The following USH2A variants were observed in gnomAD, a reference collection of about 807,000 sequenced individuals.
USH2A encodes the protein Usher syndrome 2A (autosomal recessive, mild).
USH2A carries 443 observed loss-of-function variants against 538.9 expected under a neutral mutation model. The ratio of observed to expected loss-of-function variants is 0.82; its 90% CI spans 0.76 to 0.89. The LOEUF (loss-of-function observed/expected upper bound fraction) is 0.89, where lower values mean the gene tolerates loss of function less well. Among genes scored for constraint, USH2A ranks in the 40% least tolerant of loss-of-function variants. USH2A has a pLI of 0.00. For missense variants in USH2A, 6,633 were observed against 6,324.8 expected, an observed-to-expected ratio of 1.05 and a Z score of -1.65; for synonymous variants, 2,413 against 2,273.5, an observed-to-expected ratio of 1.06 and a Z score of -1.75.
At chr1:216,340,047 G>T (rs1214563655) in intron 4 of USH2A, among the ~76,000 whole-genome samples, 1 of 151,852 alleles carries the variant, frequency 6.6e-6, no homozygotes, top group Non-Finnish European at 1.5e-5. Context: ...GAATCCAGGA[G>T]CTGTTTTTTT....
chr1:215,659,635 GT>G (rs1049081511), intron 64 of USH2A, among the ~76,000 whole-genome samples: 15 of 151,910 alleles, frequency 9.9e-5, no homozygotes, highest in African/African-American at 3.4e-4. Context: ...CCTGGGGTAA[GT>G]TTTTTTTGTT....
At chr1:215,884,838 G>T (rs535364370) in intron 41 of USH2A, among the ~76,000 whole-genome samples, 1 of 152,122 alleles carries the variant, frequency 6.6e-6, no homozygotes, top group Non-Finnish European at 1.5e-5. Context: ...GGGTGACACT[G>T]TTCCTTGTGG....
chr1:216,282,675 T>G (rs2036805673), intron 11 of USH2A, among the ~76,000 whole-genome samples: 1 of 152,236 alleles, frequency 6.6e-6, no homozygotes, highest in Non-Finnish European at 1.5e-5. Context: ...ACTCTTTTTT[T>G]ATAAGGTTAT....
chr1:215,971,590 T>C (rs1667496109), intron 35 of USH2A, among the ~76,000 whole-genome samples: 1 of 151,980 alleles, frequency 6.6e-6, no homozygotes, highest in Admixed American at 6.6e-5. Flanking sequence ...ACCCTATCTC[T>C]ACAAAAAATA....
intron 36 of USH2A, among the ~76,000 whole-genome samples, chr1:215,965,892 C>T (rs1319600218): frequency 1.3e-5 from 2 of 151,132 alleles, no homozygotes; most frequent in Non-Finnish European, 2.9e-5. Flanking sequence ...CAAAAAGCTA[C>T]ACCACATATC....
Position 216,324,181 on chromosome 1 carries a change from G to A in USH2A, c.1315C>T (p.Leu439Phe). 1 of 1,613,004 alleles carries A rather than the reference G, an allele frequency of 6.2e-7. No individual in the cohort carries two copies. The highest frequency in any genetic ancestry group is 8.5e-7 in the Non-Finnish European group (1 of 1,179,532). The change falls in exon 7 of 72, where the codon CTT (leucine) becomes TTT (phenylalanine). Residue 439 changes from leucine (L) to phenylalanine (F), a missense_variant. Physicochemically the swap from Leu to Phe is conservative, Grantham distance 22. Coordinates refer to ENST00000307340, the MANE Select transcript of USH2A (RefSeq NM_206933.4). Reference protein sequence around the residue: ...DLEKPDSVNCLQLSNFTPYSR... With the variant: ...DLEKPDSVNCFQLSNFTPYSR... ...AAATATTCATACTTGGAAAGCTGAA[G>A]ACAGTTGACAGAATCAGGTTTTTCC...
chr1:215,830,913 G>A (rs936188590), intron 47 of USH2A, among the ~76,000 whole-genome samples: 1 of 152,050 alleles, frequency 6.6e-6, no homozygotes, highest in Non-Finnish European at 1.5e-5. Flanking sequence ...CTAACCAGTT[G>A]GTAACCTGCT....
At position 215,625,590 on chromosome 1, in the gene USH2A, A is replaced by C. The variant is rs75610910; in HGVS notation, c.*191T>G. 0.011 allele frequency: 7,215 copies of C among 629,684 alleles called. 226 individuals carry two copies. Among genetic ancestry groups the C allele is most frequent in the South Asian group, 0.066 (3,477 of 52,420 alleles). 39.0% of individuals were successfully genotyped at this position (629,684 alleles called of 1,614,324 possible). ...TTCATATGAATATTCTCTCTCATTT[A>C]AGATGAGAAAAATATCATTTCTTAG... On this transcript the variant is annotated 3_prime_UTR_variant, in exon 72 of 72. Transcript: ENST00000307340.
intron 3 of USH2A, among the ~76,000 whole-genome samples, chr1:216,371,081 G>T (rs916798311): frequency 6.6e-6 from 1 of 152,180 alleles, no homozygotes; most frequent in African/African-American, 2.4e-5. Context: ...TTTTGGGAAC[G>T]CCTTTCTCTC....
At chr1:216,391,460 T>TA (rs925209610) in intron 3 of USH2A, among the ~76,000 whole-genome samples, 8 of 152,016 alleles carry the variant, frequency 5.3e-5, no homozygotes, top group South Asian at 4.1e-4. Context: ...TATTAATCTT[T>TA]AAAAAAAATG....
chr1:215,926,922 T>C (rs1666253201), intron 38 of USH2A, among the ~76,000 whole-genome samples: 1 of 152,220 alleles, frequency 6.6e-6, no homozygotes, highest in African/African-American at 2.4e-5. Context: ...CTACCTATTC[T>C]TATCTGACTT....
At chr1:216,117,345 A>G (rs918897121) in intron 21 of USH2A, among the ~76,000 whole-genome samples, 13 of 152,176 alleles carry the variant, frequency 8.5e-5, no homozygotes, top group African/African-American at 3.1e-4. Flanking sequence ...ATAAAATCTC[A>G]TAACTATTTT....
intron 49 of USH2A, among the ~76,000 whole-genome samples, chr1:215,812,091 T>C (rs2102791541): frequency 6.9e-6 from 1 of 144,558 alleles, no homozygotes; most frequent in East Asian, 2.4e-4. Context: ...TTCAAGCAAT[T>C]CTCCTGCTTC....
chr1:215,923,060 G>C (rs909087116), intron 38 of USH2A, among the ~76,000 whole-genome samples: 8 of 152,052 alleles, frequency 5.3e-5, no homozygotes, highest in Non-Finnish European at 1.0e-4. Flanking sequence ...GAGAGCCCAA[G>C]CAAAAGCCAA....
chr1:216,279,662 CCCTAGCTGATGA>C (rs1304346821), intron 11 of USH2A, among the ~76,000 whole-genome samples: 1 of 152,100 alleles, frequency 6.6e-6, no homozygotes, highest in Non-Finnish European at 1.5e-5. Context: ...TTGAGGACTA[CCCTAGCTGATGA>C]CCACCATCTT....
At position 215,624,080 on chromosome 1, in the gene USH2A, T is replaced by G. The variant is rs1415890183; in HGVS notation, c.*1701A>C. On this transcript the variant is annotated 3_prime_UTR_variant, in exon 72 of 72. Transcript: ENST00000307340. ...GAATAAAAACCAGTAAACTAGTCAATCCTATGTTTTCATTTCAGAAAGTAT... is the reference window on the plus strand; with the variant it reads ...GAATAAAAACCAGTAAACTAGTCAAGCCTATGTTTTCATTTCAGAAAGTAT... The G allele has an allele frequency of 1.3e-5, 2 of 152,200 alleles. No individual in the cohort carries two copies. The highest frequency in any genetic ancestry group is 2.9e-5 in the Non-Finnish European group (2 of 68,020). The allele number at this position is 152,200 out of a possible 1,614,324, so 9.4% of individuals were successfully genotyped here. A position where few individuals can be genotyped will look rare whatever the true frequency, so the allele number is the denominator to read the frequency against.
intron 11 of USH2A, among the ~76,000 whole-genome samples, chr1:216,255,971 A>C (rs1264853196): frequency 1.3e-5 from 2 of 152,132 alleles, no homozygotes; most frequent in African/African-American, 4.8e-5. Flanking sequence ...TTGCAAAATG[A>C]AATTACTTTC....
intron 66 of USH2A, 107 bp downstream of exon 66, chr1:215,648,421 G>A: frequency 8.5e-7 from 1 of 1,180,572 alleles, no homozygotes; most frequent in Non-Finnish European, 1.3e-6. Flanking sequence ...GGAGTGCCAG[G>A]TAGCTATACA....
rs549216916 is a variant in USH2A at position 215,652,725 on chromosome 1, T to TG, written c.14134-1925dup. Among the ~76,000 whole-genome samples, 186 of 152,094 alleles carry TG rather than the reference T, an allele frequency of 1.2e-3. 1 individual carries two copies. Among genetic ancestry groups the TG allele is most frequent in the African/African-American group, 4.1e-3 (172 of 41,476 alleles). On this transcript the variant is annotated intron_variant, in intron 64 of 71. Coordinates refer to ENST00000307340, the MANE Select transcript of USH2A (RefSeq NM_206933.4). ...CTGCAAATATCTTTCTGGGAAGTGG[T>TG]GGGGGGGACACCTATTATTACACAA...
Sources: gnomAD v4.1 joint callset for allele counts (sites outside exome capture counted in the v4.1 genomes callset) on GRCh38, gnomAD v4.1.1 for gene constraint, MANE v1.5 for transcripts, NCBI Gene and HGNC (gene_info 2026-07-23, HGNC 2026-07-21) for gene names.